Variants in PRKACB observed in about 807,000 individuals in gnomAD.
PRKACB encodes protein kinase cAMP-activated catalytic subunit beta.
In PRKACB, 16 loss-of-function variants were observed where a neutral mutation model predicts 51.4. The ratio of observed to expected loss-of-function variants is 0.31; its 90% CI spans 0.21 to 0.47. The LOEUF (loss-of-function observed/expected upper bound fraction) is 0.47, where lower values mean the gene tolerates loss of function less well. PRKACB is among the 20% of genes least tolerant of loss of function. PRKACB has a pLI of 1.00. For synonymous variants in PRKACB, 147 were observed against 154.4 expected (o/e 0.95, Z 0.35); for missense variants, 309 against 464.5 (o/e 0.67, Z 3.08).
At chr1:84,142,352 C>T (rs1412104489), upstream of PRKACB, among the ~76,000 whole-genome samples, 1 of 152,134 alleles carries the variant, frequency 6.6e-6, no homozygotes, top group Non-Finnish European at 1.5e-5. Flanking sequence ...ATTAGAATTT[C>T]CTTCAGTAGA....
At chr1:84,230,250 T>C (rs1085735) in intron 9 of PRKACB, among the ~76,000 whole-genome samples, 146,362 of 147,968 alleles carry the variant, frequency 0.99, 72,403 homozygotes, top group East Asian at 1. Flanking sequence ...TGTAGATATG[T>C]GGCATTATTT....
intron 1 of PRKACB, among the ~76,000 whole-genome samples, chr1:84,108,903 T>G (rs1482168500): frequency 6.6e-6 from 1 of 152,056 alleles, no homozygotes; most frequent in Non-Finnish European, 1.5e-5. Context: ...ATGGAACTAA[T>G]TTTTTATTTC....
At chr1:84,143,140 AC>A (rs774885959), upstream of PRKACB, among the ~76,000 whole-genome samples, 273 of 152,252 alleles carry the variant, frequency 1.8e-3, 2 homozygotes, top group Non-Finnish European at 6.8e-4. Flanking sequence ...AGTTTTACTT[AC>A]TTTTAATCAA....
chr1:84,090,942 G>T (rs534822287), intron 1 of PRKACB, among the ~76,000 whole-genome samples: 1 of 152,198 alleles, frequency 6.6e-6, no homozygotes, highest in South Asian at 2.1e-4. Context: ...AACCCCTCCT[G>T]CTTTCCCAGG....
intron 1 of PRKACB, among the ~76,000 whole-genome samples, chr1:84,150,513 T>C (rs1654720665): frequency 1.3e-5 from 2 of 152,074 alleles, no homozygotes; most frequent in Non-Finnish European, 2.9e-5. Context: ...GTTTGGGTCA[T>C]GGGGGAGGAT....
intron 1 of PRKACB, among the ~76,000 whole-genome samples, chr1:84,107,953 A>G (rs893226922): frequency 3.3e-5 from 5 of 152,158 alleles, no homozygotes; most frequent in African/African-American, 1.2e-4. Context: ...CAGACCTACC[A>G]TTGGACCCAG....
intron 5 of PRKACB, among the ~76,000 whole-genome samples, chr1:84,194,885 C>T (rs965325302): frequency 6.6e-5 from 10 of 151,952 alleles, no homozygotes; most frequent in African/African-American, 2.4e-4. Context: ...CTGCAGTGAT[C>T]ATGCTACAGC....
At chr1:84,095,251 T>G (rs1268363657) in intron 1 of PRKACB, among the ~76,000 whole-genome samples, 2 of 151,460 alleles carry the variant, frequency 1.3e-5, no homozygotes, top group Admixed American at 6.6e-5. Flanking sequence ...TTTGCTGTTT[T>G]TTTTTTTTTT....
At chr1:84,166,553 A>G (rs1313527417) in intron 1 of PRKACB, among the ~76,000 whole-genome samples, 1 of 151,778 alleles carries the variant, frequency 6.6e-6, no homozygotes, top group Non-Finnish European at 1.5e-5. Context: ...ACAAATAATC[A>G]TAGTAATCAC....
intron 1 of PRKACB, among the ~76,000 whole-genome samples, chr1:84,148,278 T>C (rs1232906222): frequency 6.6e-6 from 1 of 152,192 alleles, no homozygotes; most frequent in Non-Finnish European, 1.5e-5. Context: ...CCTATTCATC[T>C]ATCCTTCATC....
At chr1:84,207,858 C>A (rs886462927) in intron 8 of PRKACB, among the ~76,000 whole-genome samples, 2 of 112,696 alleles carry the variant, frequency 1.8e-5, no homozygotes, top group African/African-American at 6.0e-5. Context: ...TCATTTTCTT[C>A]TTATTCATTT....
At chr1:84,092,574 A>G (rs1200723714) in intron 1 of PRKACB, among the ~76,000 whole-genome samples, 1 of 152,132 alleles carries the variant, frequency 6.6e-6, no homozygotes, top group African/African-American at 2.4e-5. Flanking sequence ...ATATACATGC[A>G]TATGTGTCTT....
chr1:84,123,178 G>A (rs568980035), intron 1 of PRKACB, among the ~76,000 whole-genome samples: 2 of 152,208 alleles, frequency 1.3e-5, no homozygotes, highest in Admixed American at 6.6e-5. Flanking sequence ...AGAATTTATT[G>A]GAATAGAATA....
At chr1:84,231,179 T>A (rs1675584336) in intron 9 of PRKACB, among the ~76,000 whole-genome samples, 2 of 152,176 alleles carry the variant, frequency 1.3e-5, no homozygotes. Flanking sequence ...ATTGAGATAA[T>A]CATGTGGTTT....
chr1:84,235,989 G>T lies in PRKACB; in HGVS notation c.*684G>T, dbSNP rs1006770729. 7.2e-5 allele frequency: 11 copies of T among 152,566 alleles called. No individual in the cohort carries two copies. Among genetic ancestry groups the T allele is most frequent in the Admixed American group, 5.2e-4 (8 of 15,276 alleles). 9.5% of individuals were successfully genotyped at this position (152,566 alleles called of 1,614,324 possible). ...CCTCCTTTTATATCCTCCTCTCCTT[G>T]AGTAATGAAGTGACCAGCCTGTGTA... On this transcript the variant is annotated 3_prime_UTR_variant, in exon 10 of 10. Coordinates refer to ENST00000370685, the MANE Select transcript of PRKACB (RefSeq NM_182948.4).
intron 5 of PRKACB, 25 bp downstream of exon 5, chr1:84,185,207 A>C: frequency 7.0e-7 from 1 of 1,431,682 alleles, no homozygotes; most frequent in Non-Finnish European, 9.4e-7. Flanking sequence ...TGCTTTCTTC[A>C]AATCTTTATA....
chr1:84,237,806 C>A lies in PRKACB; in HGVS notation c.*2501C>A. On this transcript the variant is annotated 3_prime_UTR_variant, in exon 10 of 10. Transcript: ENST00000370685. ...AGAGATGGCATTGTGTAAGAAGGAG[C>A]CCTAGACTGAAAGTCAAGACATCTG... The A allele has an allele frequency of 1.3e-5, 2 of 152,050 alleles. 1 individual carries two copies. The highest frequency in any genetic ancestry group is 2.9e-5 in the Non-Finnish European group (2 of 67,954). 9.4% of individuals were successfully genotyped at this position (152,050 alleles called of 1,614,324 possible). A position where few individuals can be genotyped will look rare whatever the true frequency, so the allele number is the denominator to read the frequency against.
At chr1:84,229,080 C>G (rs547680650) in intron 9 of PRKACB, among the ~76,000 whole-genome samples, 3 of 121,252 alleles carry the variant, frequency 2.5e-5, no homozygotes, top group East Asian at 2.8e-4. Flanking sequence ...ATCCCTCCCC[C>G]CTCCCCCCAC....
intron 1 of PRKACB, among the ~76,000 whole-genome samples, chr1:84,103,535 A>G (rs1434224015): frequency 6.6e-6 from 1 of 152,150 alleles, no homozygotes; most frequent in Non-Finnish European, 1.5e-5. Flanking sequence ...GACAGATGAG[A>G]GAGTGACTCA....
Sources: allele counts gnomAD v4.1 joint callset (sites outside exome capture counted in the v4.1 genomes callset), GRCh38; gene constraint gnomAD v4.1.1; transcripts MANE v1.5; gene names NCBI Gene and HGNC (gene_info 2026-07-23, HGNC 2026-07-21).